Variants in HPS3 observed in about 807,000 individuals in gnomAD.
HPS3 encodes the protein BLOC-2 complex member HPS3.
A neutral mutation model predicts 110.9 loss-of-function variants in HPS3; 79 were observed. That is an observed-to-expected ratio of 0.71 (90% CI 0.59 to 0.86). The LOEUF (loss-of-function observed/expected upper bound fraction) is 0.86. Ranked by LOEUF, HPS3 falls within the 40% of genes least tolerant of loss-of-function variation. HPS3 has a pLI of 0.00. For synonymous variants in HPS3, 428 were observed against 451.0 expected (o/e 0.95, Z 0.65); for missense variants, 1,197 against 1,206.2 (o/e 0.99, Z 0.11).
chr3:149,140,391 CAGACTT>C lies in HPS3; in HGVS notation c.609_614del (p.Asp203_Leu204del). On this transcript the variant is annotated inframe_deletion, in exon 2 of 17. Transcript: ENST00000296051. ...TGTGTTGGATATGTTGCTGTCATGT[CAGACTT>C]AGAAGTCTTAATCGTAAAACTGGAG... 6.2e-7 allele frequency: 1 copy of C among 1,610,124 alleles called. No individual in the cohort carries two copies. Among genetic ancestry groups the C allele is most frequent in the Non-Finnish European group, 8.5e-7 (1 of 1,177,778 alleles).
intron 6 of HPS3, among the ~76,000 whole-genome samples, chr3:149,152,993 A>G (rs1723226180): frequency 6.6e-6 from 1 of 152,210 alleles, no homozygotes; most frequent in Non-Finnish European, 1.5e-5. Flanking sequence ...ACATACAAGC[A>G]TTTCTTTCAC....
intron 5 of HPS3, among the ~76,000 whole-genome samples, chr3:149,148,662 C>T (rs879928488): frequency 3.9e-5 from 6 of 152,066 alleles, no homozygotes; most frequent in Non-Finnish European, 7.4e-5. Context: ...ACCTCAGCCT[C>T]CCAAAGTGCT....
rs1181439382 is a variant in HPS3 at position 149,141,008 on chromosome 3, T to G, written c.713-9T>G. On this transcript the variant is annotated splice_polypyrimidine_tract_variant and intron_variant, in intron 2 of 16. Coordinates refer to ENST00000296051, the MANE Select transcript of HPS3 (RefSeq NM_032383.5). Reference sequence around the variant, plus strand: ...TTCAAGCAGGACTGTTACATTTTATTTTTTTAAGGCATCAGTAATGAAATT... The same window carrying G: ...TTCAAGCAGGACTGTTACATTTTATGTTTTTAAGGCATCAGTAATGAAATT... The G allele has an allele frequency of 6.2e-7, 1 of 1,613,356 alleles. No individual in the cohort carries two copies.
At chr3:149,161,508 C>CTTTTTTT (rs1203449055) in intron 11 of HPS3, among the ~76,000 whole-genome samples, 2 of 104,306 alleles carry the variant, frequency 1.9e-5, no homozygotes, top group Non-Finnish European at 3.8e-5. Flanking sequence ...CCCCCACACC[C>CTTTTTTT]TTTTTTTTTT....
At position 149,173,729 on chromosome 3, in the gene HPS3, G is replaced by A. The variant is rs184845153; in HGVS notation, c.*1507G>A. 57 of 1,434,670 alleles carry A rather than the reference G, an allele frequency of 4.0e-5. No homozygotes were observed. The Admixed American group carries it at 6.1e-4, about 15-fold the overall frequency. The allele number at this position is 1,434,670 out of a possible 1,614,324, so 88.9% of individuals were successfully genotyped here. The stretch of plus-strand genomic sequence containing the variant: ...TTTATTTCATTCAGCCAGATTTGGT[G>A]TCTATAGAAAAAGAAATTTTAAGAC... On this transcript the variant is annotated 3_prime_UTR_variant, in exon 17 of 17. Coordinates refer to ENST00000296051, the MANE Select transcript of HPS3 (RefSeq NM_032383.5).
chr3:149,164,096 G>A, intron 14 of HPS3, 147 bp downstream of exon 14: 2 of 586,898 alleles, frequency 3.4e-6, no homozygotes, highest in South Asian at 2.0e-5. Flanking sequence ...CAGGAGACTT[G>A]GAGGGAATGC....
intron 1 of HPS3, among the ~76,000 whole-genome samples, chr3:149,131,218 T>C (rs989315901): frequency 6.6e-6 from 1 of 151,898 alleles, no homozygotes; most frequent in Admixed American, 6.6e-5. Flanking sequence ...GGGGTTACCA[T>C]ACATAGTATC....
rs145482910 is a variant in HPS3 at position 149,172,159 on chromosome 3, T to C, written c.2952T>C (p.Asp984=). Residue 984 remains aspartate, a synonymous_variant, in exon 17 of 17, where the codon GAT becomes GAC. Transcript: ENST00000296051. ...ATTTCATGAATGTTCTCCCAGAAGATGGTACTGCAACATTTTTCTTGCCAT... is the reference window on the plus strand; with the variant it reads ...ATTTCATGAATGTTCTCCCAGAAGACGGTACTGCAACATTTTTCTTGCCAT... ...LKDFMNVLPE[D]GTATFFLPYL... The C allele has an allele frequency of 1.5e-5, 25 of 1,612,938 alleles. No homozygotes were observed. The highest frequency in any genetic ancestry group is 2.1e-5 in the Non-Finnish European group (25 of 1,179,046).
chr3:149,150,320 C>T (rs1723020453), intron 5 of HPS3, among the ~76,000 whole-genome samples: 1 of 152,134 alleles, frequency 6.6e-6, no homozygotes, highest in African/African-American at 2.4e-5. Context: ...ACATCAGAGT[C>T]ACATATGGAG....
intron 5 of HPS3, among the ~76,000 whole-genome samples, chr3:149,149,553 T>C (rs1258481838): frequency 6.6e-6 from 1 of 152,154 alleles, no homozygotes; most frequent in Non-Finnish European, 1.5e-5. Context: ...ACCTCTTAAA[T>C]TGTGCTAAGC....
At position 149,160,281 on chromosome 3, in the gene HPS3, T is replaced by G; in HGVS notation, c.2106+2T>G. 6.3e-7 allele frequency: 1 copy of G among 1,597,316 alleles called. No homozygotes were observed. Among genetic ancestry groups the G allele is most frequent in the Non-Finnish European group, 8.6e-7 (1 of 1,164,958 alleles). ...AATGAAATGAAAAGCCATTCAGAGG[T>G]ATGGAGCTCTGCCCGGTGCTAACAG... On this transcript the variant is annotated splice_donor_variant, in intron 11 of 16. Transcript: ENST00000296051. LOFTEE classifies it high-confidence loss of function.
chr3:149,153,994 C>T (rs1723291197), intron 7 of HPS3: 2 of 255,926 alleles, frequency 7.8e-6, no homozygotes, highest in South Asian at 5.9e-5. Flanking sequence ...TCTTCTTTGA[C>T]CCTTTCAGTT....
chr3:149,140,618 TC>T, intron 2 of HPS3, 120 bp downstream of exon 2: 1 of 1,085,202 alleles, frequency 9.2e-7, no homozygotes, highest in South Asian at 1.5e-5. Flanking sequence ...ATTTAGTTAT[TC>T]CTATTTCATG....
At chr3:149,158,612 A>AC (rs1723599644) in intron 9 of HPS3, 54 bp from the exon 10 acceptor site, 5 of 1,493,688 alleles carry the variant, frequency 3.3e-6, no homozygotes, top group Non-Finnish European at 4.7e-6. Flanking sequence ...ACATAGTGAG[A>AC]CCCCGTCTTT....
chr3:149,136,839 T>G (rs1018751705), intron 1 of HPS3, among the ~76,000 whole-genome samples: 1 of 152,198 alleles, frequency 6.6e-6, no homozygotes, highest in East Asian at 1.9e-4. Flanking sequence ...ATGAATTTTA[T>G]AGATGAAATG....
chr3:149,140,233 C>T lies in HPS3; in HGVS notation c.447C>T (p.Leu149=), dbSNP rs777954083. The change falls in exon 2 of 17, where the codon CTC becomes CTT. Residue 149 remains leucine (L), a synonymous_variant. Transcript: ENST00000296051. ...ISCCPVKGDL[L]VGCTNKLVLF... ...GTTGCCCTGTGAAAGGAGACCTTCT[C>T]GTTGGCTGCACAAATAAATTAGTCT... The T allele has an allele frequency of 5.0e-6, 8 of 1,614,030 alleles. No homozygotes were observed. The highest frequency in any genetic ancestry group is 4.0e-5 in the African/African-American group (3 of 74,906).
chr3:149,167,152 A>G lies in HPS3; in HGVS notation c.2708A>G (p.Glu903Gly), dbSNP rs969561466. 6.2e-7 allele frequency: 1 copy of G among 1,613,938 alleles called. No individual in the cohort carries two copies. Among genetic ancestry groups the G allele is most frequent in the Non-Finnish European group, 8.5e-7 (1 of 1,179,810 alleles). Residue 903 changes from glutamate to glycine, a missense_variant, in exon 15 of 17, where the codon GAG (glutamate) becomes GGG (glycine). Glu to Gly is a moderately conservative substitution (Grantham distance 98, BLOSUM62 -2). Transcript: ENST00000296051. The stretch of plus-strand genomic sequence containing the variant: ...GTTCTGTGTCGTACACGCTTGAAAG[A>G]GTATGAACAGTGCATAGACATACTG... ...VHVLCRTRLK[E>G]YEQCIDILLE... is the part of the protein sequence containing the mutation.
Position 149,141,200 on chromosome 3 carries a change from C to CCTT in HPS3, c.884+12_884+13insCTT. The CCTT allele has an allele frequency of 6.6e-7, 1 of 1,525,378 alleles. No homozygotes were observed. The highest frequency in any genetic ancestry group is 1.2e-5 in the South Asian group (1 of 85,586). 94.5% of individuals were successfully genotyped at this position (1,525,378 alleles called of 1,614,324 possible). ...CACCTGCTCTATAGGTATTATAGTG[C>CCTT]TTTTTTTTTTTTTACCAGCATTTTA... On this transcript the variant is annotated intron_variant, in intron 3 of 16. Transcript: ENST00000296051.
chr3:149,140,169 T>C lies in HPS3; in HGVS notation c.383T>C (p.Ile128Thr), dbSNP rs1722349104. ...GCCTTCAGAGACCAGATGTACATTA[T>C]TGAAATGCCGCTTTCGGAGGCCCCC... ...SKAFRDQMYI[I>T]EMPLSEAPLC... Residue 128 changes from isoleucine (I) to threonine (T), a missense_variant, in exon 2 of 17, where the codon ATT becomes ACT. Physicochemically the swap from Ile to Thr is moderately conservative, Grantham distance 89. Transcript: ENST00000296051. 1 of 1,614,116 alleles carries C rather than the reference T, an allele frequency of 6.2e-7. No individual in the cohort carries two copies. The highest frequency in any genetic ancestry group is 1.1e-5 in the South Asian group (1 of 91,084).
Sources: allele counts gnomAD v4.1 joint callset (sites outside exome capture counted in the v4.1 genomes callset), GRCh38; gene constraint gnomAD v4.1.1; transcripts MANE v1.5; gene names NCBI Gene and HGNC (gene_info 2026-07-23, HGNC 2026-07-21).